Variants in DIAPH1 observed in about 807,000 individuals in gnomAD.
The protein encoded by DIAPH1 is protein diaphanous homolog 1.
A neutral mutation model predicts 140.7 loss-of-function variants in DIAPH1; 46 were observed. The observed-to-expected ratio is 0.33, with a 90% CI of 0.26 to 0.42. DIAPH1 has a LOEUF of 0.42. DIAPH1 is among the 10% of genes least tolerant of loss of function. The probability of loss-of-function intolerance (pLI) is 1.00; values close to 1 mark genes in which losing one functional copy is unlikely to be tolerated. For synonymous variants in DIAPH1, 565 were observed against 551.6 expected (o/e 1.02, Z -0.34); for missense variants, 1,310 against 1,558.7 (o/e 0.84, Z 2.69).
At chr5:141,521,527 A>G (rs2099886540) in intron 27 of DIAPH1, among the ~76,000 whole-genome samples, 6 of 152,128 alleles carry the variant, frequency 3.9e-5, no homozygotes, top group Admixed American at 3.3e-4. Flanking sequence ...CAACTCCTCA[A>G]TGAGTCTTTG....
chr5:141,618,504 GGA>G, intron 1 of DIAPH1: 1 of 317,748 alleles, frequency 3.1e-6, no homozygotes, highest in Non-Finnish European at 5.9e-6. Flanking sequence ...GGCTGAGAGG[GGA>G]GAGACGGGGC....
intron 1 of DIAPH1, among the ~76,000 whole-genome samples, chr5:141,599,876 T>G (rs1456639245): frequency 6.6e-6 from 1 of 152,148 alleles, no homozygotes; most frequent in Non-Finnish European, 1.5e-5. Context: ...TTGACTTTTT[T>G]TTTGGTCTAT....
At chr5:141,549,741 T>C (rs1228199345) in intron 18 of DIAPH1, among the ~76,000 whole-genome samples, 2 of 152,062 alleles carry the variant, frequency 1.3e-5, no homozygotes, top group East Asian at 1.9e-4. Context: ...AGCAAATATA[T>C]AAATAACTCT....
chr5:141,540,755 AC>A (rs943729819), intron 18 of DIAPH1, among the ~76,000 whole-genome samples: 10 of 151,752 alleles, frequency 6.6e-5, no homozygotes, highest in African/African-American at 2.4e-4. Context: ...CAGCACTATC[AC>A]CTATCAAAAG....
chr5:141,526,397 G>A lies in DIAPH1; in HGVS notation c.3338C>T (p.Thr1113Ile), dbSNP rs576123582. The change falls in exon 25 of 28, where the codon ACC becomes ATC. Residue 1113 changes from threonine to isoleucine, a missense_variant. Thr to Ile is a moderately conservative substitution (Grantham distance 89). Transcript: ENST00000389054. The stretch of plus-strand genomic sequence containing the variant: ...GTACTCGCCCAGCTCCTTATAGAGG[G>A]TCTCCATGTTAGAATGCATCATCCG... The part of the protein sequence containing the change: ...KLRMMHSNME[T>I]LYKELGEYFL... 5 of 1,613,972 alleles carry A rather than the reference G, an allele frequency of 3.1e-6. No homozygotes were observed. The highest frequency in any genetic ancestry group is 4.2e-6 in the Non-Finnish European group (5 of 1,180,032).
chr5:141,597,452 A>C (rs2099899502), intron 1 of DIAPH1, among the ~76,000 whole-genome samples: 1 of 152,256 alleles, frequency 6.6e-6, no homozygotes, highest in South Asian at 2.1e-4. Context: ...AGACATTTTC[A>C]GACATTTAAG....
chr5:141,542,086 C>T (rs768387343), intron 18 of DIAPH1, among the ~76,000 whole-genome samples: 4 of 152,176 alleles, frequency 2.6e-5, no homozygotes, highest in Non-Finnish European at 5.9e-5. Context: ...CAAATGGATA[C>T]AAGTACATGC....
chr5:141,541,236 G>A (rs571632506), intron 18 of DIAPH1, among the ~76,000 whole-genome samples: 2 of 152,072 alleles, frequency 1.3e-5, no homozygotes, highest in East Asian at 3.9e-4. Flanking sequence ...AGGTAAACTT[G>A]GAATTAATGG....
intron 19 of DIAPH1, among the ~76,000 whole-genome samples, chr5:141,533,182 G>A (rs79817257): frequency 0.011 from 1,626 of 152,186 alleles, 41 homozygotes; most frequent in African/African-American, 0.037. Context: ...TGGGTTTTAC[G>A]GAAAATACCC....
chr5:141,546,250 C>T (rs1280662219), intron 18 of DIAPH1, among the ~76,000 whole-genome samples: 2 of 151,948 alleles, frequency 1.3e-5, no homozygotes, highest in African/African-American at 2.4e-5. Context: ...GGCATGGTGG[C>T]GCATGCCTGT....
At chr5:141,562,610 AAAAAAAAAACAAAC>A (rs936742746) in intron 18 of DIAPH1, among the ~76,000 whole-genome samples, 29 of 123,988 alleles carry the variant, frequency 2.3e-4, no homozygotes, top group South Asian at 2.8e-4. Context: ...CCTATGCAAA[AAAAAAAAAACAAAC>A]AAAAAAAAAC....
chr5:141,567,588 A>G (rs1488170323), intron 18 of DIAPH1, among the ~76,000 whole-genome samples: 2 of 152,218 alleles, frequency 1.3e-5, no homozygotes, highest in Non-Finnish European at 2.9e-5. Flanking sequence ...TTCTGCTAAG[A>G]GACTCACTGA....
intron 18 of DIAPH1, among the ~76,000 whole-genome samples, chr5:141,570,306 C>T (rs1460145530): frequency 6.6e-6 from 1 of 152,158 alleles, no homozygotes; most frequent in African/African-American, 2.4e-5. Context: ...TTGACTTTGT[C>T]AACTAGTCTT....
At chr5:141,553,747 A>G (rs1596360651) in intron 18 of DIAPH1, among the ~76,000 whole-genome samples, 1 of 152,208 alleles carries the variant, frequency 6.6e-6, no homozygotes. Context: ...TAGAATAAGA[A>G]TAATAAAATA....
chr5:141,603,643 A>G (rs550688038), intron 1 of DIAPH1, among the ~76,000 whole-genome samples: 1 of 152,356 alleles, frequency 6.6e-6, no homozygotes. Context: ...AATTTGAAAT[A>G]ATTTACTTAT....
intron 12 of DIAPH1, 71 bp from the exon 13 acceptor site, chr5:141,576,942 G>A: frequency 1.0e-6 from 1 of 982,534 alleles, no homozygotes; most frequent in South Asian, 1.3e-5. Context: ...TCAGGACCAA[G>A]AAAACGTAAT....
At chr5:141,576,031 C>T (rs1366414125) in intron 14 of DIAPH1, among the ~76,000 whole-genome samples, 199 bp downstream of exon 14, 1 of 152,196 alleles carries the variant, frequency 6.6e-6, no homozygotes, top group Non-Finnish European at 1.5e-5. Context: ...AAGTCCACCA[C>T]TAGAGCTCCC....
In DIAPH1 at chr5:141,578,293, A is replaced by C. The variant is rs2099896249; in HGVS notation, c.1095T>G (p.Phe365Leu). 6.2e-7 allele frequency: 1 copy of C among 1,614,030 alleles called. No individual in the cohort carries two copies. The highest frequency in any genetic ancestry group is 1.3e-5 in the African/African-American group (1 of 74,920). Reference sequence around the variant, plus strand: ...AGGAATCCTCTTCCCCTTGTTCATCAAACACATTTAGTTGCACTCTCATAT... The same window carrying C: ...AGGAATCCTCTTCCCCTTGTTCATCCAACACATTTAGTTGCACTCTCATAT... The part of the protein sequence containing the change: ...NEDMRVQLNV[F>L]DEQGEEDSYD... Residue 365 changes from phenylalanine (F) to leucine (L), a missense_variant, in exon 11 of 28, where the codon TTT becomes TTG. By Grantham distance (22) the Phe-to-Leu change is conservative. Transcript: ENST00000389054.
In DIAPH1 at chr5:141,528,547, C is replaced by T. The variant is rs727502960; in HGVS notation, c.3054G>A (p.Thr1018=). 1.1e-5 allele frequency: 17 copies of T among 1,614,066 alleles called. No individual in the cohort carries two copies. The highest frequency in any genetic ancestry group is 8.3e-5 in the Admixed American group (5 of 60,006). The stretch of plus-strand genomic sequence containing the variant: ...ACAACTCAGCCAAGAAGTGTAACAA[C>T]GTCATCTTCTGATCTGTGGACTTGG... The part of the protein sequence containing the change: ...RDTKSTDQKM[T]LLHFLAELCE... The change falls in exon 23 of 28, where the codon ACG becomes ACA. Residue 1018 remains threonine, a synonymous_variant. Transcript: ENST00000389054.
Sources: allele counts gnomAD v4.1 joint callset (sites outside exome capture counted in the v4.1 genomes callset), GRCh38; gene constraint gnomAD v4.1.1; transcripts MANE v1.5; gene names NCBI Gene and HGNC (gene_info 2026-07-23, HGNC 2026-07-21).